The following RUNDC1 variants were observed in gnomAD, a reference collection of about 807,000 sequenced individuals.
RUNDC1 encodes the protein RUN domain containing 1.
RUNDC1 carries 31 observed loss-of-function variants against 49.3 expected under a neutral mutation model. The observed-to-expected ratio is 0.63, with a 90% confidence interval of 0.47 to 0.85. The LOEUF (loss-of-function observed/expected upper bound fraction) is 0.85. Among genes scored for constraint, RUNDC1 ranks in the 40% least tolerant of loss-of-function variants. The probability of loss-of-function intolerance (pLI) is 0.00; values close to 1 mark genes in which losing one functional copy is unlikely to be tolerated. For missense variants in RUNDC1, 715 were observed against 806.7 expected, an observed-to-expected ratio of 0.89 and a Z score of 1.38; for synonymous variants, 347 against 348.6, an observed-to-expected ratio of 1.00 and a Z score of 0.05.
chr17:42,983,188 A>C (rs1419923950), intron 1 of RUNDC1, among the ~76,000 whole-genome samples: 1 of 140,190 alleles, frequency 7.1e-6, no homozygotes, highest in Non-Finnish European at 1.5e-5. Context: ...TCTCAAAAAA[A>C]AAAGGCAAAA....
Position 42,990,249 on chromosome 17 carries a change from T to G in RUNDC1, c.857-68T>G, listed in dbSNP as rs986715592. ...TGTTTCTAATAGGCACCATTAAGTA[T>G]TATTTTTCCTTTAAAGATCTGCCAT... On this transcript the variant is annotated intron_variant, in intron 3 of 4. Transcript: ENST00000361677. 7 of 1,574,224 alleles carry G rather than the reference T, an allele frequency of 4.4e-6. No individual in the cohort carries two copies. The African/African-American group carries it at 9.6e-5, about 21-fold the overall frequency.
rs2050072446 is a variant in RUNDC1 at position 42,980,965 on chromosome 17, C to T, written c.389C>T (p.Ala130Val). The part of the protein sequence containing the change: ...QRLLRELEDF[A>V]FRGCPHVLGY... ...CTTCTGCGGGAGCTCGAAGACTTCGCCTTCCGCGGCTGCCCTCACGTCCTA... is the reference window on the plus strand; with the variant it reads ...CTTCTGCGGGAGCTCGAAGACTTCGTCTTCCGCGGCTGCCCTCACGTCCTA... Residue 130 changes from alanine to valine, a missense_variant, in exon 1 of 5, where the codon GCC (alanine) becomes GTC (valine). Around this residue, in one of 5 missense-constraint regions of RUNDC1, gnomAD observed 113 missense variants for 93.4 expected, o/e 1.21. Transcript: ENST00000361677. 3.2e-6 allele frequency: 5 copies of T among 1,542,290 alleles called. No individual in the cohort carries two copies. Among genetic ancestry groups the T allele is most frequent in the Non-Finnish European group, 3.5e-6 (4 of 1,150,230 alleles).
At chr17:42,988,613 C>T (rs1312821562) in intron 2 of RUNDC1, among the ~76,000 whole-genome samples, 2 of 151,986 alleles carry the variant, frequency 1.3e-5, no homozygotes, top group Non-Finnish European at 2.9e-5. Context: ...CTATAATGCA[C>T]CTTGATATTT....
Position 42,991,830 on chromosome 17 carries a change from T to C in RUNDC1, c.*114T>C. On this transcript the variant is annotated 3_prime_UTR_variant, in exon 5 of 5. Coordinates refer to ENST00000361677, the MANE Select transcript of RUNDC1 (RefSeq NM_173079.5). ...GGTTAAAGGCATTTTTCCCAGACCC[T>C]GCTCAGGCAGTCGGCCAAATGAGTG... is the stretch of plus-strand genomic sequence containing the variant. 1 of 1,181,230 alleles carries C rather than the reference T, an allele frequency of 8.5e-7. No homozygotes were observed. Among genetic ancestry groups the C allele is most frequent in the Non-Finnish European group, 1.2e-6 (1 of 844,752 alleles). The allele number at this position is 1,181,230 out of a possible 1,614,324, so 73.2% of individuals were successfully genotyped here.
chr17:42,985,679 A>G (rs1286250606), intron 1 of RUNDC1: 10 of 976,960 alleles, frequency 1.0e-5, no homozygotes, highest in Middle Eastern at 5.3e-4. Context: ...TTAAGGTTAA[A>G]TGTAATACGC....
intron 2 of RUNDC1, among the ~76,000 whole-genome samples, chr17:42,988,260 T>TC (rs1404217769): frequency 1.3e-5 from 2 of 150,880 alleles, no homozygotes; most frequent in African/African-American, 4.9e-5. Context: ...TATCAGATTT[T>TC]TTTTTTTTTT....
In RUNDC1 at chr17:42,988,226, T is replaced by C. The variant is rs1355795924; in HGVS notation, c.657+812T>C. 2.6e-5 allele frequency among the ~76,000 whole-genome samples: 4 copies of C among 151,484 alleles called. No homozygotes were observed. In the Admixed American group the frequency reaches 2.7e-4, roughly 10 times the overall value. On this transcript the variant is annotated intron_variant, in intron 2 of 4. Transcript: ENST00000361677. ...CTCTACCCCTGTGCTGTGGCTGTTT[T>C]TCTGGCTGGGCTGGAGTTTACGATA...
Position 42,993,446 on chromosome 17 carries a change from A to T in RUNDC1, c.*1730A>T, listed in dbSNP as rs1179169257. 2 of 152,104 alleles carry T rather than the reference A, an allele frequency of 1.3e-5. No individual in the cohort carries two copies. Among genetic ancestry groups the T allele is most frequent in the Non-Finnish European group, 2.9e-5 (2 of 68,016 alleles). The allele number at this position is 152,104 out of a possible 1,614,324, so 9.4% of individuals were successfully genotyped here. A position where few individuals can be genotyped will look rare whatever the true frequency, so the allele number is the denominator to read the frequency against. On this transcript the variant is annotated 3_prime_UTR_variant, in exon 5 of 5. Transcript: ENST00000361677. The stretch of plus-strand genomic sequence containing the variant: ...TATTATGTAGTGCATTTTAACTTAA[A>T]TTTTTTCCAGCAACATGTTACTTAT...
intron 1 of RUNDC1, among the ~76,000 whole-genome samples, chr17:42,984,896 T>C (rs1467211311): frequency 5.0e-5 from 7 of 139,622 alleles, no homozygotes; most frequent in Admixed American, 7.2e-5. Flanking sequence ...TTTCTTTTTT[T>C]TTTTTTTTTT....
intron 2 of RUNDC1, among the ~76,000 whole-genome samples, chr17:42,988,767 C>T (rs572982458): frequency 1.6e-4 from 25 of 151,924 alleles, no homozygotes; most frequent in South Asian, 1.2e-3. Context: ...TCTCTTGAGG[C>T]CAGAAGTTTG....
intron 1 of RUNDC1, among the ~76,000 whole-genome samples, chr17:42,986,755 T>A (rs1022472817): frequency 1.1e-4 from 17 of 152,182 alleles, no homozygotes; most frequent in East Asian, 5.8e-4. Context: ...CGCCTCGGCC[T>A]CCCAAAGTGC....
chr17:42,990,759 G>T, intron 4 of RUNDC1, 92 bp from the exon 5 acceptor site: 3 of 1,450,482 alleles, frequency 2.1e-6, no homozygotes, highest in Non-Finnish European at 2.8e-6. Context: ...GACCCAGCAT[G>T]TGGCTCAGAC....
intron 1 of RUNDC1, among the ~76,000 whole-genome samples, chr17:42,986,858 T>C (rs2050179111): frequency 6.6e-6 from 1 of 152,062 alleles, no homozygotes; most frequent in Non-Finnish European, 1.5e-5. Flanking sequence ...TTTTGCAAAA[T>C]TTGGCTGCAC....
At chr17:42,983,480 A>G (rs560041278) in intron 1 of RUNDC1, among the ~76,000 whole-genome samples, 1 of 147,110 alleles carries the variant, frequency 6.8e-6, no homozygotes, top group East Asian at 2.0e-4. Flanking sequence ...GGCTCAGTAG[A>G]TCCTCCTACC....
intron 1 of RUNDC1, among the ~76,000 whole-genome samples, chr17:42,982,880 G>A (rs568073330): frequency 1.3e-4 from 20 of 151,816 alleles, no homozygotes; most frequent in African/African-American, 4.6e-4. Context: ...CCAGCTACTC[G>A]GGAGGCTGAG....
Position 42,991,653 on chromosome 17 carries a change from C to T in RUNDC1, c.1779C>T (p.Leu593=). The stretch of plus-strand genomic sequence containing the variant: ...ACCTGCTCAGTCGCCTCAGCAGCCT[C>T]AAGTTTAGCCTCCCTGTAGATCTGG... ...ALNLLSRLSS[L]KFSLPVDLAV... The change falls in exon 5 of 5, where the codon CTC becomes CTT. Residue 593 remains leucine, a synonymous_variant. Transcript: ENST00000361677. The T allele has an allele frequency of 6.2e-7, 1 of 1,614,088 alleles. No individual in the cohort carries two copies. The highest frequency in any genetic ancestry group is 8.5e-7 in the Non-Finnish European group (1 of 1,180,020).
At chr17:42,985,346 T>C (rs2050156967) in intron 1 of RUNDC1, among the ~76,000 whole-genome samples, 1 of 152,152 alleles carries the variant, frequency 6.6e-6, no homozygotes, top group Non-Finnish European at 1.5e-5. Context: ...AATAATGTGA[T>C]ATGAGCTAGA....
chr17:42,985,563 C>A, intron 1 of RUNDC1: 1 of 344,524 alleles, frequency 2.9e-6, no homozygotes, highest in Non-Finnish European at 4.1e-6. Flanking sequence ...AAGAGGATTG[C>A]ATTTTAAATA....
chr17:42,988,107 A>G (rs1286043162), intron 2 of RUNDC1, among the ~76,000 whole-genome samples: 3 of 152,132 alleles, frequency 2.0e-5, no homozygotes, highest in Admixed American at 6.6e-5. Flanking sequence ...CCAGGAATCC[A>G]GACTGACTTT....
Sources: gnomAD v4.1 joint callset for allele counts (sites outside exome capture counted in the v4.1 genomes callset) on GRCh38, gnomAD v4.1.1 for gene constraint, gnomAD v4.1.1 regional missense constraint, MANE v1.5 for transcripts, NCBI Gene and HGNC (gene_info 2026-07-23, HGNC 2026-07-21) for gene names.